The following RUSC2 variants were observed in gnomAD, a reference collection of about 807,000 sequenced individuals.
RUSC2 encodes the protein RUN and SH3 domain containing 2.
Under a neutral mutation model 122.2 loss-of-function variants are expected in RUSC2, and 34 were observed. The ratio of observed to expected loss-of-function variants is 0.28; its 90% CI spans 0.21 to 0.37. The LOEUF (loss-of-function observed/expected upper bound fraction) is 0.37. Among genes scored for constraint, RUSC2 ranks in the 10% least tolerant of loss-of-function variants. RUSC2 has a pLI of 1.00. For synonymous variants in RUSC2, 784 were observed against 790.0 expected (o/e 0.99, Z 0.13); for missense variants, 1,747 against 1,952.4 (o/e 0.89, Z 1.98).
At chr9:35,520,491 G>A (rs1277119547) in intron 1 of RUSC2, among the ~76,000 whole-genome samples, 1 of 152,032 alleles carries the variant, frequency 6.6e-6, no homozygotes, top group African/African-American at 2.4e-5. Context: ...CTACTTTACT[G>A]TGCGTATGTG....
chr9:35,541,030 CTTATAGTA>C, intron 1 of RUSC2, among the ~76,000 whole-genome samples: 1 of 152,162 alleles, frequency 6.6e-6, no homozygotes, highest in South Asian at 2.1e-4. Flanking sequence ...TAAATGATCA[CTTATAGTA>C]TTATAATAGG....
Position 35,557,457 on chromosome 9 carries a change from G to T in RUSC2, c.2984-457G>T, listed in dbSNP as rs1304999834. ...TCTGTTCTCTGAAGCAGAACCAAGG[G>T]CTTGAGAGGAGGGGTGTCGATTTCA... On this transcript the variant is annotated intron_variant, in intron 5 of 11. Transcript: ENST00000361226. This position sits in a 1 kb window ranked among gnomAD's most constrained non-coding sequence, Gnocchi z 4.6. Among the ~76,000 whole-genome samples, 1 of 152,162 alleles carries T rather than the reference G, an allele frequency of 6.6e-6. No individual in the cohort carries two copies. The highest frequency in any genetic ancestry group is 1.5e-5 in the Non-Finnish European group (1 of 68,028).
At chr9:35,519,878 A>T (rs527345426) in intron 1 of RUSC2, among the ~76,000 whole-genome samples, 10 of 152,222 alleles carry the variant, frequency 6.6e-5, no homozygotes, top group African/African-American at 2.4e-4. Flanking sequence ...AGTGAGGTTG[A>T]GTGACCACCC....
intron 1 of RUSC2, among the ~76,000 whole-genome samples, chr9:35,538,227 T>C (rs1177510898): frequency 6.6e-6 from 1 of 152,174 alleles, no homozygotes; most frequent in Non-Finnish European, 1.5e-5. Flanking sequence ...AGTAGACCTC[T>C]GAAGACCCAG....
At chr9:35,518,879 G>A (rs998915539) in intron 1 of RUSC2, among the ~76,000 whole-genome samples, 1 of 152,158 alleles carries the variant, frequency 6.6e-6, no homozygotes, top group Admixed American at 6.5e-5. Flanking sequence ...GAGCTTCTGG[G>A]TAGTTGAGTG....
chr9:35,561,456 C>G lies in RUSC2; in HGVS notation c.*74C>G, dbSNP rs909744039. On this transcript the variant is annotated 3_prime_UTR_variant, in exon 12 of 12. Transcript: ENST00000361226. ...CAGAGCCCGAGAGCCCTTCCCAAGC[C>G]ATTGGCTTGGCTGCAGAGTAGACTG... is the stretch of plus-strand genomic sequence containing the variant. 5 of 1,321,390 alleles carry G rather than the reference C, an allele frequency of 3.8e-6. No individual in the cohort carries two copies. Among genetic ancestry groups the G allele is most frequent in the Middle Eastern group, 1.9e-4 (1 of 5,272 alleles). The allele number at this position is 1,321,390 out of a possible 1,614,324, so 81.9% of individuals were successfully genotyped here.
At chr9:35,502,883 G>A (rs546290693) in intron 1 of RUSC2, among the ~76,000 whole-genome samples, 31 of 151,786 alleles carry the variant, frequency 2.0e-4, no homozygotes, top group African/African-American at 6.8e-4. Flanking sequence ...TTTTTGAGAC[G>A]GAGTTTTGCT....
chr9:35,559,964 C>CAA, intron 9 of RUSC2, 65 bp from the exon 10 acceptor site: 1 of 1,398,754 alleles, frequency 7.1e-7, no homozygotes, highest in Non-Finnish European at 9.8e-7. Flanking sequence ...GACTGTCTTT[C>CAA]AAAGTCCCAC....
intron 1 of RUSC2, among the ~76,000 whole-genome samples, chr9:35,541,290 A>G (rs895790057): frequency 2.0e-5 from 3 of 151,956 alleles, no homozygotes; most frequent in African/African-American, 4.8e-5. Flanking sequence ...TCAGGGCAGA[A>G]AAAGTCTGAA....
chr9:35,540,822 C>T (rs1821628796), intron 1 of RUSC2, among the ~76,000 whole-genome samples: 1 of 152,054 alleles, frequency 6.6e-6, no homozygotes, highest in South Asian at 2.1e-4. Context: ...CTTTGGAAGG[C>T]CGTTGTAGTG....
At chr9:35,499,462 C>T (rs1820782261) in intron 1 of RUSC2, among the ~76,000 whole-genome samples, 1 of 152,106 alleles carries the variant, frequency 6.6e-6, no homozygotes. Flanking sequence ...AGTCTTTTAT[C>T]TTCAAGAAAA....
chr9:35,539,860 G>A (rs372305545), intron 1 of RUSC2, among the ~76,000 whole-genome samples: 73 of 152,244 alleles, frequency 4.8e-4, no homozygotes, highest in Non-Finnish European at 9.3e-4. Context: ...CAGGAAAAGC[G>A]TTATCAGTCC....
chr9:35,544,949 C>G (rs540643254), intron 1 of RUSC2, among the ~76,000 whole-genome samples: 4 of 152,290 alleles, frequency 2.6e-5, no homozygotes, highest in African/African-American at 7.2e-5. Context: ...CCATTAAACA[C>G]ACAAAGGCTT....
intron 2 of RUSC2, chr9:35,549,123 A>G: frequency 3.0e-6 from 3 of 985,036 alleles, no homozygotes; most frequent in Non-Finnish European, 3.6e-6. Flanking sequence ...CAGAAGACTG[A>G]TTCTGAACCT....
At chr9:35,516,065 A>G (rs904000288) in intron 1 of RUSC2, among the ~76,000 whole-genome samples, 20 of 151,010 alleles carry the variant, frequency 1.3e-4, no homozygotes, top group African/African-American at 4.9e-4. Context: ...GGTGAGTAAC[A>G]TAGTAGATAA....
rs202109747 is a variant in RUSC2, at chr9:35,547,442, C to T, written c.921C>T (p.Ser307=). 1.1e-5 allele frequency: 18 copies of T among 1,614,198 alleles called. No homozygotes were observed. Among genetic ancestry groups the T allele is most frequent in the East Asian group, 8.9e-5 (4 of 44,874 alleles). ...TCAACTCTGCCCCACAGTCCTGCAG[C>T]GACTCTTCCTTCTGCAGCCACTCAG... ...ANLNSAPQSC[S]DSSFCSHSDP... The change falls in exon 2 of 12, where the codon AGC becomes AGT. Residue 307 remains serine, a synonymous_variant. Transcript: ENST00000361226. This position sits in a 1 kb window ranked among gnomAD's most constrained non-coding sequence, Gnocchi z 4.6.
intron 1 of RUSC2, among the ~76,000 whole-genome samples, chr9:35,497,756 T>C (rs7857712): frequency 0.05 from 7,589 of 152,252 alleles, 672 homozygotes; most frequent in African/African-American, 0.17. Context: ...GTAGAGGCTA[T>C]TAAACATGAG....
At position 35,560,142 on chromosome 9, in the gene RUSC2, T is replaced by C; in HGVS notation, c.3502T>C (p.Phe1168Leu). Residue 1168 changes from phenylalanine to leucine, a missense_variant, in exon 10 of 12, where the codon TTC becomes CTC. Physicochemically the swap from Phe to Leu is conservative, Grantham distance 22 (BLOSUM62 0). Coordinates refer to ENST00000361226, the MANE Select transcript of RUSC2 (RefSeq NM_014806.5). Reference protein sequence around the residue: ...LLLQPLALLPFSLDLLFQHRL... With the variant: ...LLLQPLALLPLSLDLLFQHRL... ...GCTACAGCCCCTGGCCCTGCTGCCC[T>C]TCAGCCTCGACTTGCTGTTCCAGCA... The C allele has an allele frequency of 1.9e-6, 3 of 1,610,290 alleles. No homozygotes were observed. Among genetic ancestry groups the C allele is most frequent in the Non-Finnish European group, 2.5e-6 (3 of 1,179,954 alleles).
At chr9:35,502,925 C>T (rs1249918082) in intron 1 of RUSC2, among the ~76,000 whole-genome samples, 1 of 151,992 alleles carries the variant, frequency 6.6e-6, no homozygotes, top group African/African-American at 2.4e-5. Flanking sequence ...CAGTGGTGCA[C>T]TCTCATTTCA....
Sources: allele counts gnomAD v4.1 joint callset (sites outside exome capture counted in the v4.1 genomes callset), GRCh38; gene constraint gnomAD v4.1.1; non-coding constraint Gnocchi (gnomAD v3.1); transcripts MANE v1.5; gene names NCBI Gene and HGNC (gene_info 2026-07-23, HGNC 2026-07-21).